SPATA7: variants seen among roughly 807,000 people sequenced by gnomAD.
The protein encoded by SPATA7 is spermatogenesis-associated protein 7.
A neutral mutation model predicts 51.8 loss-of-function variants in SPATA7; 43 were observed. That is an observed-to-expected ratio of 0.83 (90% CI 0.65 to 1.07). SPATA7 has a LOEUF of 1.07. Among genes scored for constraint, SPATA7 ranks in the 50% least tolerant of loss-of-function variants. The probability of loss-of-function intolerance (pLI) is 0.00; values close to 1 mark genes in which losing one functional copy is unlikely to be tolerated. For missense variants in SPATA7, 683 were observed against 701.3 expected (o/e 0.97, Z 0.30); for synonymous variants, 230 against 252.8 (o/e 0.91, Z 0.86).
Position 88,469,663 on chromosome 14 carries a change from C to T in SPATA7, c.255-184C>T. The T allele has an allele frequency of 6.2e-7, 1 of 1,614,180 alleles. No individual in the cohort carries two copies. Among genetic ancestry groups the T allele is most frequent in the Non-Finnish European group, 8.5e-7 (1 of 1,180,044 alleles). ...GAACCGGGTCGTGATCTTAAACCTT[C>T]CATAGGTGACAGTGTTGTGCCTGGA... is the stretch of plus-strand genomic sequence containing the variant. On this transcript the variant is annotated intron_variant, in intron 4 of 4. Transcript: ENST00000556406. This position sits in a 1 kb window ranked among gnomAD's most constrained non-coding sequence, Gnocchi z 4.3.
rs1422216586 is a variant in SPATA7, at chr14:88,469,823, C to A, written c.255-24C>A. The A allele has an allele frequency of 6.2e-7, 1 of 1,601,406 alleles. No homozygotes were observed. On this transcript the variant is annotated intron_variant, in intron 4 of 4. Coordinates refer to the SPATA7 transcript ENST00000556406. The surrounding 1 kb of genome is among the most constrained non-coding windows in gnomAD (Gnocchi z 4.3). ...GGCACATCTGAAACAGAACCACAACCCTACCCTGCCTTTTTCTCCACAGGT... is the reference window on the plus strand; with the variant it reads ...GGCACATCTGAAACAGAACCACAACACTACCCTGCCTTTTTCTCCACAGGT...
chr14:88,430,773 A>G (rs1382405683), intron 8 of SPATA7, among the ~76,000 whole-genome samples: 1 of 152,192 alleles, frequency 6.6e-6, no homozygotes, highest in Non-Finnish European at 1.5e-5. Context: ...TGAACTAATC[A>G]GTAAATGGGA....
Position 88,438,310 on chromosome 14 carries a change from C to G in SPATA7, c.1688C>G (p.Pro563Arg). The G allele has an allele frequency of 6.2e-7, 1 of 1,613,860 alleles. No homozygotes were observed. Among genetic ancestry groups the G allele is most frequent in the South Asian group, 1.1e-5 (1 of 91,044 alleles). The change falls in exon 12 of 12, where the codon CCC becomes CGC. Residue 563 changes from proline (P) to arginine (R), a missense_variant. Coordinates refer to ENST00000393545, the MANE Select transcript of SPATA7 (RefSeq NM_018418.5). ...GGATTATGTGGTCTTAACACATCAC[C>G]CTCCCAATCTGTTCAGTTCTCCAGT... ...SNGLCGLNTS[P>R]SQSVQFSSVK...
intron 4 of SPATA7, among the ~76,000 whole-genome samples, chr14:88,463,060 G>A (rs1373807409): frequency 6.6e-6 from 1 of 152,120 alleles, no homozygotes; most frequent in Non-Finnish European, 1.5e-5. Flanking sequence ...TGTGCAGACA[G>A]ACCTTAATTT....
At chr14:88,403,806 G>C (rs1400468747) in intron 4 of SPATA7, among the ~76,000 whole-genome samples, 1 of 152,126 alleles carries the variant, frequency 6.6e-6, no homozygotes, top group Non-Finnish European at 1.5e-5. Context: ...TGCAAGTTGA[G>C]TAAGTTCTGG....
Position 88,415,079 on chromosome 14 carries a change from G to A in SPATA7, c.239-1632G>A, listed in dbSNP as rs146589311. On this transcript the variant is annotated intron_variant, in intron 4 of 11. Transcript: ENST00000393545. ...TGTAGATGTCTATTAGGTCCAGTTGGTCAGGTGTCAAATTTAAATCCAGAA... is the reference window on the plus strand; with the variant it reads ...TGTAGATGTCTATTAGGTCCAGTTGATCAGGTGTCAAATTTAAATCCAGAA... 626 of 173,664 alleles carry A rather than the reference G, an allele frequency of 3.6e-3. 5 individuals carry two copies. Among genetic ancestry groups the A allele is most frequent in the Middle Eastern group, 0.013 (5 of 392 alleles). The allele number at this position is 173,664 out of a possible 1,614,324, so 10.8% of individuals were successfully genotyped here. A position where few individuals can be genotyped will look rare whatever the true frequency, so the allele number is the denominator to read the frequency against.
intron 11 of SPATA7, 68 bp from the exon 12 acceptor site, chr14:88,437,770 T>G (rs769971585): frequency 1.2e-4 from 179 of 1,461,968 alleles, no homozygotes; most frequent in Middle Eastern, 3.6e-4. Flanking sequence ...TGTGAGATTT[T>G]CAGCACTGCA....
chr14:88,404,457 C>T (rs1053869672), intron 4 of SPATA7, among the ~76,000 whole-genome samples: 5 of 152,184 alleles, frequency 3.3e-5, no homozygotes, highest in Admixed American at 2.0e-4. Context: ...TGGCTCACGC[C>T]TGTAATCCCA....
At chr14:88,433,280 G>A (rs2076989069) in intron 10 of SPATA7, 68 bp downstream of exon 10, 2 of 1,134,524 alleles carry the variant, frequency 1.8e-6, no homozygotes, top group African/African-American at 1.6e-5. Flanking sequence ...TTCTTCATAT[G>A]ATGTTAAAAT....
intron 2 of SPATA7, chr14:88,391,748 T>G (rs530805477): frequency 2.3e-6 from 1 of 429,160 alleles, no homozygotes; most frequent in African/African-American, 2.0e-5. Context: ...CATACCTGCC[T>G]TGTTAAAATG....
chr14:88,386,700 G>T (rs1378265305), intron 1 of SPATA7, among the ~76,000 whole-genome samples: 1 of 151,952 alleles, frequency 6.6e-6, no homozygotes, highest in South Asian at 2.1e-4. Context: ...TTCTTTCCTC[G>T]AGTCAAATGA....
chr14:88,391,389 A>G lies in SPATA7; in HGVS notation c.28A>G (p.Thr10Ala), dbSNP rs762784603. The change falls in exon 2 of 12, where the codon ACC (threonine) becomes GCC (alanine). Residue 10 changes from threonine (T) to alanine (A), a missense_variant. Coordinates refer to ENST00000393545, the MANE Select transcript of SPATA7 (RefSeq NM_018418.5). ...TTTTTTCTTGTTAAAAGTCAGAGCA[A>G]CCTCTGTCCTTCCCAGATATGGTCC... is the stretch of plus-strand genomic sequence containing the variant. MDGSRRVRA[T>A]SVLPRYGPPC... is the part of the protein sequence containing the mutation. 4 of 1,612,590 alleles carry G rather than the reference A, an allele frequency of 2.5e-6. No individual in the cohort carries two copies. The highest frequency in any genetic ancestry group is 2.5e-6 in the Non-Finnish European group (3 of 1,179,336).
chr14:88,395,387 A>G lies in SPATA7; in HGVS notation c.191-769A>G, dbSNP rs1449446635. ...AAATGACTAAAAAAACAAAAGAAAA[A>G]TATTTTGTGACATGAAAATCGTGAA... On this transcript the variant is annotated intron_variant, in intron 3 of 11. Coordinates refer to ENST00000393545, the MANE Select transcript of SPATA7 (RefSeq NM_018418.5). Among the ~76,000 whole-genome samples the G allele has an allele frequency of 2.0e-5, 3 of 152,014 alleles. No individual in the cohort carries two copies. In the East Asian group the frequency reaches 5.8e-4, roughly 29 times the overall value.
chr14:88,416,660 A>T, intron 4 of SPATA7, 51 bp from the exon 5 acceptor site: 1 of 1,598,994 alleles, frequency 6.3e-7, no homozygotes, highest in Non-Finnish European at 8.5e-7. Flanking sequence ...AGACCAAAAA[A>T]CCAATTTTCT....
intron 4 of SPATA7, among the ~76,000 whole-genome samples, chr14:88,400,050 C>T (rs2076014984): frequency 6.6e-6 from 1 of 152,122 alleles, no homozygotes; most frequent in Admixed American, 6.5e-5. Context: ...GCACATGAAA[C>T]CTTCTTCAGA....
Position 88,427,688 on chromosome 14 carries a change from A to G in SPATA7, c.904A>G (p.Ile302Val), listed in dbSNP as rs774986202. ...AAACATGACAGATTCAGAAATGAAC[A>G]TAAAGCAGGTAATAAGTATGAAATC... ...TKNMTDSEMN[I>V]KQASNCVTYD... Residue 302 changes from isoleucine (I) to valine (V), a missense_variant, in exon 7 of 12, where the codon ATA (isoleucine) becomes GTA (valine). By Grantham distance (29) the Ile-to-Val change is conservative (BLOSUM62 3). Transcript: ENST00000393545. 1.2e-6 allele frequency: 2 copies of G among 1,607,992 alleles called. No homozygotes were observed. The highest frequency in any genetic ancestry group is 3.3e-5 in the Admixed American group (2 of 59,900).
chr14:88,448,180 G>A lies in SPATA7; in HGVS notation c.178-6880G>A, dbSNP rs1042663490. 8.0e-3 allele frequency among the ~76,000 whole-genome samples: 1,211 copies of A among 151,936 alleles called. 14 individuals are homozygous for A. Among genetic ancestry groups the A allele is most frequent in the African/African-American group, 0.028 (1,149 of 41,388 alleles). On this transcript the variant is annotated intron_variant, in intron 3 of 3. Coordinates refer to the SPATA7 transcript ENST00000554802. Reference sequence around the variant, plus strand: ...CCCATATTTCTTGGAGGCTTTGCTCGTTTCTTTTTATTCTTTTTTCTCTAA... The same window carrying A: ...CCCATATTTCTTGGAGGCTTTGCTCATTTCTTTTTATTCTTTTTTCTCTAA...
chr14:88,460,850 C>A (rs942363748), intron 4 of SPATA7, among the ~76,000 whole-genome samples: 1 of 152,152 alleles, frequency 6.6e-6, no homozygotes, highest in Admixed American at 6.5e-5. Flanking sequence ...TTATCTATCT[C>A]TGCTCTTTGA....
At chr14:88,458,437 C>G, downstream of SPATA7, among the ~76,000 whole-genome samples, 1 of 152,120 alleles carries the variant, frequency 6.6e-6, no homozygotes, top group East Asian at 1.9e-4. Flanking sequence ...TCAACTTCTT[C>G]CTGGTTTAGT....
Sources: gnomAD v4.1 joint callset for allele counts (sites outside exome capture counted in the v4.1 genomes callset) on GRCh38, gnomAD v4.1.1 for gene constraint, Gnocchi (gnomAD v3.1) non-coding constraint, MANE v1.5 for transcripts, NCBI Gene and HGNC (gene_info 2026-07-23, HGNC 2026-07-21) for gene names.